The following CACNA1E variants were observed in gnomAD, a reference collection of about 807,000 sequenced individuals.
CACNA1E encodes voltage-dependent R-type calcium channel subunit alpha-1E.
CACNA1E carries 40 observed loss-of-function variants against 259.2 expected under a neutral mutation model. That is an observed-to-expected ratio of 0.15 (90% CI 0.12 to 0.20). The LOEUF (loss-of-function observed/expected upper bound fraction) is 0.20. CACNA1E is among the 10% of genes least tolerant of loss of function. The probability of loss-of-function intolerance (pLI) is 1.00; values close to 1 mark genes in which losing one functional copy is unlikely to be tolerated. For missense variants in CACNA1E, 1,874 were observed against 3,040.1 expected (o/e 0.62, Z 9.02); for synonymous variants, 1,104 against 1,138.5 (o/e 0.97, Z 0.61).
At chr1:181,417,713 T>A (rs1228209757) in intron 2 of CACNA1E, among the ~76,000 whole-genome samples, 1 of 152,154 alleles carries the variant, frequency 6.6e-6, no homozygotes, top group Non-Finnish European at 1.5e-5. Flanking sequence ...TTCCCTTAAC[T>A]CTCAAATCCC....
chr1:181,721,577 A>G (rs1258477440), intron 15 of CACNA1E, among the ~76,000 whole-genome samples, 181 bp from the exon 16 acceptor site: 2 of 151,950 alleles, frequency 1.3e-5, no homozygotes, highest in Non-Finnish European at 2.9e-5. Flanking sequence ...ATTCTTTTCC[A>G]TACGAAAAAA....
At position 181,752,244 on chromosome 1, in the gene CACNA1E, T is replaced by A. The variant is rs1337710473; in HGVS notation, c.3828+5T>A. ...AAGCGCTTGCCCAAGCTCAAGGTAG[T>A]GTTTACAGAGTTTGTTCCCATCAAA... On this transcript the variant is annotated splice_donor_5th_base_variant and intron_variant, in intron 27 of 47. Transcript: ENST00000367573. The A allele has an allele frequency of 1.2e-6, 2 of 1,604,904 alleles. No homozygotes were observed. Among genetic ancestry groups the A allele is most frequent in the African/African-American group, 2.7e-5 (2 of 74,762 alleles).
intron 1 of CACNA1E, among the ~76,000 whole-genome samples, chr1:181,333,371 T>C (rs1414430985): frequency 1.3e-5 from 2 of 152,170 alleles, no homozygotes. Context: ...TACATCAGGG[T>C]TGGCAACATT....
At chr1:181,517,774 G>A (rs1666702187) in intron 3 of CACNA1E, among the ~76,000 whole-genome samples, 2 of 152,054 alleles carry the variant, frequency 1.3e-5, no homozygotes, top group African/African-American at 4.8e-5. Context: ...AATATATATT[G>A]ATAGGTATTT....
intron 1 of CACNA1E, among the ~76,000 whole-genome samples, chr1:181,399,660 CG>C (rs1221707611): frequency 1.3e-5 from 2 of 152,178 alleles, no homozygotes; most frequent in Non-Finnish European, 2.9e-5. Flanking sequence ...GAAGATAGCT[CG>C]GGGGATCTTT....
At chr1:181,752,299 A>T (rs1429831517) in intron 27 of CACNA1E, 60 bp downstream of exon 27, 5 of 1,238,970 alleles carry the variant, frequency 4.0e-6, no homozygotes, top group Non-Finnish European at 6.0e-6. Flanking sequence ...CTCTTTAGCC[A>T]TGGCTGGCCT....
chr1:181,425,093 G>T (rs974863503), intron 2 of CACNA1E, among the ~76,000 whole-genome samples: 7 of 152,222 alleles, frequency 4.6e-5, no homozygotes, highest in African/African-American at 1.4e-4. Flanking sequence ...TTTCAGAAGA[G>T]ATATTTTTTC....
intron 1 of CACNA1E, among the ~76,000 whole-genome samples, chr1:181,388,746 C>T (rs207460727): frequency 1.3e-5 from 2 of 152,104 alleles, no homozygotes; most frequent in Admixed American, 1.3e-4. Context: ...ATAAAATTAG[C>T]TGGATGTGGT....
chr1:181,657,909 C>T (rs144564955), intron 7 of CACNA1E, among the ~76,000 whole-genome samples: 335 of 152,346 alleles, frequency 2.2e-3, no homozygotes, highest in Non-Finnish European at 3.8e-3. Context: ...CACTGCTAGA[C>T]GTTACTGTCT....
rs762489465 is a variant in CACNA1E, at chr1:181,771,271, TTC to T, written c.4882-20_4882-19del. Reference sequence around the variant, plus strand: ...ACACAGCTTGGTAATGCTCACTGTTTTCTGTTGTTTCTCTCCTCAAGGTATTT... The same window carrying T: ...ACACAGCTTGGTAATGCTCACTGTTTTGTTGTTTCTCTCCTCAAGGTATTT... On this transcript the variant is annotated intron_variant, in intron 35 of 47. Coordinates refer to ENST00000367573, the MANE Select transcript of CACNA1E (RefSeq NM_001205293.3). 30 of 1,370,340 alleles carry T rather than the reference TTC, an allele frequency of 2.2e-5. No individual in the cohort carries two copies. In the South Asian group the frequency reaches 3.7e-4, roughly 17 times the overall value. 84.9% of individuals were successfully genotyped at this position (1,370,340 alleles called of 1,614,324 possible). A position where few individuals can be genotyped will look rare whatever the true frequency, so the allele number is the denominator to read the frequency against.
chr1:181,344,631 AC>A (rs1478668799), intron 1 of CACNA1E, among the ~76,000 whole-genome samples: 3 of 152,116 alleles, frequency 2.0e-5, no homozygotes, highest in African/African-American at 7.2e-5. Context: ...CTAGGGACAC[AC>A]TTGGCAAGGA....
At chr1:181,777,710 G>T (rs553357504) in intron 38 of CACNA1E, among the ~76,000 whole-genome samples, 1 of 152,150 alleles carries the variant, frequency 6.6e-6, no homozygotes, top group Non-Finnish European at 1.5e-5. Context: ...AACTTGCAAG[G>T]TGTTTGTGAG....
chr1:181,599,909 A>C (rs1473880478), intron 6 of CACNA1E, among the ~76,000 whole-genome samples: 2 of 152,254 alleles, frequency 1.3e-5, no homozygotes, highest in Non-Finnish European at 2.9e-5. Context: ...TCAGGGATAT[A>C]GTGAAGAACA....
chr1:181,758,257 A>G lies in CACNA1E; in HGVS notation c.4494+146A>G, dbSNP rs1658262676. 2 of 814,868 alleles carry G rather than the reference A, an allele frequency of 2.5e-6. No individual in the cohort carries two copies. The highest frequency in any genetic ancestry group is 3.8e-6 in the Non-Finnish European group (2 of 523,404). The allele number at this position is 814,868 out of a possible 1,614,324, so 50.5% of individuals were successfully genotyped here. Reference sequence around the variant, plus strand: ...TCCTTTTGTGATCTTATTTTGTTCAATAACCCAACCTCTGGGGCTTTGGGG... The same window carrying G: ...TCCTTTTGTGATCTTATTTTGTTCAGTAACCCAACCTCTGGGGCTTTGGGG... On this transcript the variant is annotated intron_variant, in intron 31 of 47. Transcript: ENST00000367573. The surrounding 1 kb of genome is among the most constrained non-coding windows in gnomAD (Gnocchi z 4.2).
intron 1 of CACNA1E, among the ~76,000 whole-genome samples, chr1:181,389,089 T>C (rs920502073): frequency 2.6e-5 from 4 of 152,212 alleles, no homozygotes; most frequent in African/African-American, 9.7e-5. Flanking sequence ...TTCTTTAATA[T>C]ACATTTTTGA....
intron 8 of CACNA1E, among the ~76,000 whole-genome samples, chr1:181,712,383 A>G (rs1288924948): frequency 1.3e-5 from 2 of 152,206 alleles, no homozygotes; most frequent in Non-Finnish European, 2.9e-5. Context: ...CACAAAAGTG[A>G]GGTCACAGAG....
At chr1:181,593,101 A>G (rs909128398) in intron 6 of CACNA1E, among the ~76,000 whole-genome samples, 1 of 152,206 alleles carries the variant, frequency 6.6e-6, no homozygotes, top group Non-Finnish European at 1.5e-5. Flanking sequence ...CTACCTTGAA[A>G]GTTTTATAGC....
chr1:181,566,113 G>A (rs1649801079), intron 3 of CACNA1E, among the ~76,000 whole-genome samples: 1 of 152,160 alleles, frequency 6.6e-6, no homozygotes, highest in Non-Finnish European at 1.5e-5. Context: ...GGCAACTCTG[G>A]TTGTCCTAGA....
intron 6 of CACNA1E, among the ~76,000 whole-genome samples, chr1:181,612,320 C>T (rs1654824119): frequency 6.6e-6 from 1 of 152,218 alleles, no homozygotes; most frequent in Non-Finnish European, 1.5e-5. Context: ...TGCTCTGATC[C>T]ATCTTCCAAT....
Sources: gnomAD v4.1 joint callset for allele counts (sites outside exome capture counted in the v4.1 genomes callset) on GRCh38, gnomAD v4.1.1 for gene constraint, Gnocchi (gnomAD v3.1) non-coding constraint, MANE v1.5 for transcripts, NCBI Gene and HGNC (gene_info 2026-07-23, HGNC 2026-07-21) for gene names.